Variants in POLA1 observed in about 807,000 individuals in gnomAD.
POLA1 encodes the protein DNA polymerase alpha catalytic subunit.
In POLA1, 15 loss-of-function variants were observed where a neutral mutation model predicts 124.0. The ratio of observed to expected loss-of-function variants is 0.12; its 90% CI spans 0.08 to 0.19. POLA1 has a LOEUF of 0.19. POLA1 is among the 10% of genes least tolerant of loss of function. The probability of loss-of-function intolerance (pLI) is 1.00; values close to 1 mark genes in which losing one functional copy is unlikely to be tolerated. For synonymous variants in POLA1, 408 were observed against 389.4 expected, an observed-to-expected ratio of 1.05 and a Z score of -0.56; for missense variants, 886 against 1,103.4, an observed-to-expected ratio of 0.80 and a Z score of 2.79.
intron 36 of POLA1, among the ~76,000 whole-genome samples, chrX:24,979,947 G>A (rs1416329458): frequency 1.8e-5 from 2 of 112,060 alleles, no homozygotes; most frequent in South Asian, 3.8e-4. Flanking sequence ...TTGAGTTTGG[G>A]TTGGAGAAAT....
intron 36 of POLA1, among the ~76,000 whole-genome samples, chrX:24,953,625 G>A (rs1189336193): frequency 1.8e-5 from 2 of 111,615 alleles, no homozygotes; most frequent in Non-Finnish European, 3.8e-5. Context: ...GACAGGCAAC[G>A]AAGGGAAAGT....
chrX:24,791,461 A>G (rs2045494969), intron 26 of POLA1, among the ~76,000 whole-genome samples: 1 of 112,769 alleles, frequency 8.9e-6, no homozygotes, highest in South Asian at 3.6e-4. Flanking sequence ...ATCTTGGCTC[A>G]CTGCAACCTC....
chrX:24,888,530 A>G (rs1253647896), intron 35 of POLA1, among the ~76,000 whole-genome samples: 5 of 106,018 alleles, frequency 4.7e-5, no homozygotes, highest in African/African-American at 1.7e-4. Flanking sequence ...CCTCTGCTGG[A>G]TTAATTGTTT....
intron 34 of POLA1, among the ~76,000 whole-genome samples, chrX:24,886,142 G>A (rs1019099977): frequency 4.5e-5 from 5 of 111,409 alleles, no homozygotes; most frequent in Admixed American, 2.9e-4. Flanking sequence ...TTGGTACCAC[G>A]CAACTTGGTT....
Position 24,714,569 on chromosome X carries a change from C to T in POLA1, c.362C>T (p.Ala121Val), listed in dbSNP as rs778140613. Residue 121 changes from alanine to valine, a missense_variant, in exon 5 of 37, where the codon GCA becomes GTA. Physicochemically the swap from Ala to Val is moderately conservative, Grantham distance 64 (BLOSUM62 0). This residue lies in a region of POLA1 where 337 missense variants were observed against 402.8 expected (regional missense o/e 0.84). Transcript: ENST00000379068. ...DADEKGKDGK[A>V]RNKDKRNVKK... ...ATTCCAATAGGAAAAGATGGTAAAG[C>T]ACGCAATAAAGACAAGAGGAATGTA... 8.5e-7 allele frequency: 1 copy of T among 1,179,291 alleles called. No homozygotes were observed. The highest frequency in any genetic ancestry group is 2.2e-5 in the Admixed American group (1 of 44,762).
At chrX:24,789,071 G>A (rs754733839) in intron 26 of POLA1, 1 of 1,207,838 alleles carries the variant, frequency 8.3e-7, no homozygotes, top group Non-Finnish European at 1.1e-6. Context: ...GAAACCCATG[G>A]TGTCGGCTGT....
chrX:24,909,649 T>C (rs936890892), intron 35 of POLA1, among the ~76,000 whole-genome samples: 2 of 111,557 alleles, frequency 1.8e-5, no homozygotes, highest in African/African-American at 6.5e-5. Context: ...CCTTGTAGTA[T>C]AGTTTGAAGT....
At chrX:24,715,680 C>T (rs1188128028) in intron 6 of POLA1, among the ~76,000 whole-genome samples, 1 of 111,529 alleles carries the variant, frequency 9.0e-6, no homozygotes, top group Non-Finnish European at 1.9e-5. Context: ...TTGGTTTTAT[C>T]CCACCATTTT....
At chrX:24,899,723 CTCGTTATTTCTGCTGGTATGTTTCCTAAA>C (rs2047251225) in intron 35 of POLA1, among the ~76,000 whole-genome samples, 1 of 111,453 alleles carries the variant, frequency 9.0e-6, no homozygotes, top group Admixed American at 9.5e-5. Flanking sequence ...GGATAATACA[CTCGTTATTTCTGCTGGTATGTTTCCTAAA>C]AGTGAGGCGT....
At chrX:24,768,931 G>T (rs1002505946) in intron 26 of POLA1, among the ~76,000 whole-genome samples, 1 of 112,053 alleles carries the variant, frequency 8.9e-6, no homozygotes, top group African/African-American at 3.2e-5. Context: ...CTATCTTTGT[G>T]TCCTGTCTTT....
rs1159898227 is a variant in POLA1 at position 24,812,735 on chromosome X, G to GA, written c.3176dup (p.Lys1060GlufsTer8). 11 of 1,197,193 alleles carry GA rather than the reference G, an allele frequency of 9.2e-6. No homozygotes were observed. Among genetic ancestry groups the GA allele is most frequent in the African/African-American group, 1.7e-5 (1 of 57,341 alleles). ...GGGTTTTCAAGTCTCTGCTACTGCT[G>GA]AAAAAAAAGAAGTACGCTGCTCTGG... On this transcript the variant is annotated frameshift_variant, in exon 29 of 37. Transcript: ENST00000379068. LOFTEE classifies it high-confidence loss of function.
intron 4 of POLA1, among the ~76,000 whole-genome samples, chrX:24,709,124 T>C (rs1236599619): frequency 1.6e-5 from 1 of 60,837 alleles, no homozygotes; most frequent in African/African-American, 6.1e-5. Context: ...GGCTCCTCAC[T>C]TCCCAGTAGG....
In POLA1 at chrX:24,739,507, G is replaced by C. The variant is rs757801036; in HGVS notation, c.2173G>C (p.Glu725Gln). 2.5e-6 allele frequency: 3 copies of C among 1,191,048 alleles called. No homozygotes were observed. The highest frequency in any genetic ancestry group is 2.3e-6 in the Non-Finnish European group (2 of 878,545). ...ACTTGTTCAGCAGATTCTAAAAACT[G>C]AAAGGGTTGTAATCCCAATGGAAAA... Reference protein sequence around the residue: ...SELVQQILKTERVVIPMENIQ... With the variant: ...SELVQQILKTQRVVIPMENIQ... The change falls in exon 20 of 37, where the codon GAA becomes CAA. Residue 725 changes from glutamate to glutamine, a missense_variant. Coordinates refer to ENST00000379068, the MANE Select transcript of POLA1 (RefSeq NM_001330360.2).
intron 34 of POLA1, among the ~76,000 whole-genome samples, chrX:24,876,672 G>T (rs749055715): frequency 3.1e-5 from 3 of 96,421 alleles, no homozygotes; most frequent in East Asian, 3.2e-4. Flanking sequence ...GAAAAAATTT[G>T]TCTGGGGTCG....
At chrX:24,741,596 A>C (rs1465632251) in intron 21 of POLA1, 92 bp downstream of exon 21, 4 of 756,193 alleles carry the variant, frequency 5.3e-6, no homozygotes, top group Non-Finnish European at 7.8e-6. Flanking sequence ...GTCTAAATGC[A>C]TGCTTATAAA....
chrX:24,872,814 A>G (rs1377572224), intron 34 of POLA1, among the ~76,000 whole-genome samples: 1 of 112,003 alleles, frequency 8.9e-6, no homozygotes, highest in East Asian at 2.8e-4. Flanking sequence ...ACTTAAACTT[A>G]GAAAATGGAA....
chrX:24,708,993 G>C (rs1431411605), intron 4 of POLA1, among the ~76,000 whole-genome samples: 3 of 93,216 alleles, frequency 3.2e-5, no homozygotes, highest in Non-Finnish European at 6.8e-5. Context: ...CTCCCGGACG[G>C]GGCGGCTGGC....
At chrX:24,727,696 T>C in intron 14 of POLA1, 86 bp from the exon 15 acceptor site, 2 of 726,692 alleles carry the variant, frequency 2.8e-6, no homozygotes, top group Admixed American at 5.9e-5. Flanking sequence ...TTGAAGAATA[T>C]GCCAGTTAAT....
chrX:24,704,493 G>T (rs1199524294), intron 4 of POLA1, 24 bp downstream of exon 4: 1 of 1,034,501 alleles, frequency 9.7e-7, no homozygotes. Flanking sequence ...GTTTTCCAGG[G>T]TGTTGTTTTG....
Sources: allele counts gnomAD v4.1 joint callset (sites outside exome capture counted in the v4.1 genomes callset), GRCh38; gene constraint gnomAD v4.1.1; regional missense constraint gnomAD v4.1.1; transcripts MANE v1.5; gene names NCBI Gene and HGNC (gene_info 2026-07-23, HGNC 2026-07-21).